The following ANKRD30BL variants were observed in gnomAD, a reference collection of about 807,000 sequenced individuals.
The protein encoded by ANKRD30BL is ankyrin repeat domain 30B like, also known as putative ankyrin repeat domain-containing protein 30B-like.
ANKRD30BL carries 20 observed loss-of-function variants against 18.4 expected under a neutral mutation model. The observed-to-expected ratio is 1.09, with a 90% CI of 0.77 to 1.58. The LOEUF is 1.58. Ranked by LOEUF, ANKRD30BL falls within the 40% of genes most tolerant of loss-of-function variation. The pLI is 0.00. For missense variants in ANKRD30BL, 224 were observed against 268.6 expected (o/e 0.83, Z 1.16); for synonymous variants, 72 against 100.9 (o/e 0.71, Z 1.72).
intron 1 of ANKRD30BL, among the ~76,000 whole-genome samples, chr2:132,234,442 A>T (rs1049741313): frequency 6.6e-6 from 1 of 152,146 alleles, no homozygotes; most frequent in Non-Finnish European, 1.5e-5. Context: ...ACAGCTAGCA[A>T]GACTAATAAA....
chr2:132,232,902 A>G (rs1680061945), intron 1 of ANKRD30BL, among the ~76,000 whole-genome samples: 3 of 152,088 alleles, frequency 2.0e-5, no homozygotes. Context: ...TCAAAGTTGA[A>G]ATGAAGGAAA....
chr2:132,227,475 A>G (rs918095368), intron 1 of ANKRD30BL, among the ~76,000 whole-genome samples: 1 of 149,644 alleles, frequency 6.7e-6, no homozygotes, highest in African/African-American at 2.4e-5. Flanking sequence ...AGTCGTTTTG[A>G]AACACTCCTT....
At chr2:132,255,117 T>C (rs1286693564) in intron 1 of ANKRD30BL, among the ~76,000 whole-genome samples, 10 of 152,206 alleles carry the variant, frequency 6.6e-5, no homozygotes, top group Admixed American at 1.3e-4. Flanking sequence ...ACATCGCCAG[T>C]TGGCATCGTT....
At chr2:132,242,263 G>C (rs1268653744) in intron 1 of ANKRD30BL, among the ~76,000 whole-genome samples, 2 of 151,576 alleles carry the variant, frequency 1.3e-5, no homozygotes, top group Non-Finnish European at 3.0e-5. Context: ...TCAACTCTCA[G>C]ATTTGAAAAT....
intron 1 of ANKRD30BL, among the ~76,000 whole-genome samples, chr2:132,173,194 A>G (rs1688310883): frequency 6.6e-6 from 1 of 151,250 alleles, no homozygotes; most frequent in African/African-American, 2.4e-5. Flanking sequence ...TTGATCTATT[A>G]TAGTTTATTT....
At chr2:132,165,840 T>C (rs1488878400), upstream of ANKRD30BL, among the ~76,000 whole-genome samples, 1 of 151,774 alleles carries the variant, frequency 6.6e-6, no homozygotes, top group Non-Finnish European at 1.5e-5. Flanking sequence ...AAAGTGGTGG[T>C]TTCATTTTGC....
intron 1 of ANKRD30BL, among the ~76,000 whole-genome samples, chr2:132,171,529 A>C (rs1310410355): frequency 6.6e-6 from 1 of 152,214 alleles, no homozygotes; most frequent in African/African-American, 2.4e-5. Context: ...ATAGGAGTTC[A>C]TCAAACATCA....
rs200814453 is a variant in ANKRD30BL, at chr2:132,147,940, C to A, written c.*191G>T. On this transcript the variant is annotated 3_prime_UTR_variant, in exon 6 of 6. Coordinates refer to ENST00000409867, the MANE Select transcript of ANKRD30BL (RefSeq NM_001358416.1). The stretch of plus-strand genomic sequence containing the variant: ...GCTAGAAGGGGGCTGTTTAATGAAA[C>A]TAGGGGCAAGGAGGCATAACGAACG... 33,860 of 554,842 alleles carry A rather than the reference C, an allele frequency of 0.061. 3,363 individuals are homozygous for A. The highest frequency in any genetic ancestry group is 0.27 in the African/African-American group (13,443 of 49,816). 34.4% of individuals were successfully genotyped at this position (554,842 alleles called of 1,614,324 possible). A position where few individuals can be genotyped will look rare whatever the true frequency, so the allele number is the denominator to read the frequency against.
At chr2:132,195,187 T>A (rs1678937554) in intron 1 of ANKRD30BL, among the ~76,000 whole-genome samples, 2 of 152,180 alleles carry the variant, frequency 1.3e-5, no homozygotes, top group Admixed American at 1.3e-4. Context: ...AGTCTCCATT[T>A]AGATGATTCA....
At chr2:132,196,776 C>T (rs1344193674) in intron 1 of ANKRD30BL, among the ~76,000 whole-genome samples, 1 of 150,594 alleles carries the variant, frequency 6.6e-6, no homozygotes, top group East Asian at 2.0e-4. Context: ...CACTGCACTT[C>T]AGCCTGGGTG....
At chr2:132,211,957 G>A (rs1177811015) in intron 1 of ANKRD30BL, among the ~76,000 whole-genome samples, 3 of 151,982 alleles carry the variant, frequency 2.0e-5, no homozygotes, top group African/African-American at 7.2e-5. Context: ...TTTGTGATGT[G>A]TGCATTCATC....
intron 1 of ANKRD30BL, among the ~76,000 whole-genome samples, chr2:132,243,648 T>A (rs1348564624): frequency 6.6e-6 from 1 of 151,600 alleles, no homozygotes; most frequent in African/African-American, 2.4e-5. Flanking sequence ...ATTCTTTTGA[T>A]GAAGCAGACT....
chr2:132,201,637 AAAC>A (rs1187717634), intron 1 of ANKRD30BL, among the ~76,000 whole-genome samples: 3 of 152,208 alleles, frequency 2.0e-5, no homozygotes, highest in African/African-American at 7.2e-5. Context: ...AAAAGTCAGG[AAAC>A]AACAGGTGCT....
At chr2:132,224,169 C>A (rs1420906206) in intron 1 of ANKRD30BL, among the ~76,000 whole-genome samples, 1 of 152,062 alleles carries the variant, frequency 6.6e-6, no homozygotes, top group Non-Finnish European at 1.5e-5. Flanking sequence ...TTCTCAGAAA[C>A]TTCTTTGTGA....
Position 132,161,491 on chromosome 2 carries a change from T to C in ANKRD30BL, c.215A>G (p.Lys72Arg). 1 of 1,456,092 alleles carries C rather than the reference T, an allele frequency of 6.9e-7. No individual in the cohort carries two copies. The highest frequency in any genetic ancestry group is 9.4e-7 in the Non-Finnish European group (1 of 1,062,882). 90.2% of individuals were successfully genotyped at this position (1,456,092 alleles called of 1,614,324 possible). Residue 72 changes from lysine (K) to arginine (R), a missense_variant, in exon 1 of 6, where the codon AAG becomes AGG. This residue lies in a region of ANKRD30BL where 131 missense variants were observed against 128.8 expected (regional missense o/e 1.02). Coordinates refer to ENST00000409867, the MANE Select transcript of ANKRD30BL (RefSeq NM_001358416.1). ...CGGCTCAGGCAGGGCCTGGTACCTC[T>C]TCTTCGCATCTCTTATGTTCAGGTC... The part of the protein sequence containing the change: ...TMDLNIRDAK[K>R]RTALYWACAN...
At chr2:132,178,540 C>A (rs1230052036) in intron 1 of ANKRD30BL, among the ~76,000 whole-genome samples, 2 of 151,690 alleles carry the variant, frequency 1.3e-5, no homozygotes, top group African/African-American at 2.4e-5. Context: ...ATTGTGGGGG[C>A]AAAGGAGAAA....
intron 3 of ANKRD30BL, chr2:132,156,126 A>G (rs1006522120): frequency 3.3e-5 from 5 of 152,028 alleles, no homozygotes; most frequent in African/African-American, 9.7e-5. Context: ...GCTTAGCAAA[A>G]TAGAAGCCAT....
chr2:132,215,824 C>T (rs10202117), intron 1 of ANKRD30BL, among the ~76,000 whole-genome samples: 5,489 of 151,850 alleles, frequency 0.036, 113 homozygotes, highest in African/African-American at 0.13. Context: ...TGCAAGTGGA[C>T]ATTTGGAGTG....
intron 1 of ANKRD30BL, among the ~76,000 whole-genome samples, chr2:132,171,480 T>C (rs1476827210): frequency 6.6e-6 from 1 of 152,130 alleles, no homozygotes; most frequent in South Asian, 2.1e-4. Flanking sequence ...TATGGATCTG[T>C]TTCCATGAAG....
Sources: gnomAD v4.1 joint callset for allele counts (sites outside exome capture counted in the v4.1 genomes callset) on GRCh38, gnomAD v4.1.1 for gene constraint, gnomAD v4.1.1 regional missense constraint, MANE v1.5 for transcripts, NCBI Gene and HGNC (gene_info 2026-07-23, HGNC 2026-07-21) for gene names.